The following RSL1D1 variants were observed in gnomAD, a reference collection of about 807,000 sequenced individuals.
RSL1D1 encodes the protein ribosomal L1 domain-containing protein 1.
RSL1D1 carries 34 observed loss-of-function variants against 44.6 expected under a neutral mutation model. That is an observed-to-expected ratio of 0.76 (90% CI 0.58 to 1.02). RSL1D1 has a LOEUF of 1.02. Ranked by LOEUF, RSL1D1 falls within the 50% of genes least tolerant of loss-of-function variation. RSL1D1 has a pLI of 0.00. For synonymous variants in RSL1D1, 271 were observed against 207.4 expected (o/e 1.31, Z -2.63); for missense variants, 767 against 568.1 (o/e 1.35, Z -3.56).
intron 5 of RSL1D1, among the ~76,000 whole-genome samples, chr16:11,843,337 C>A (rs1005122432): frequency 6.6e-6 from 1 of 151,842 alleles, no homozygotes; most frequent in Non-Finnish European, 1.5e-5. Flanking sequence ...TCCCAAAGTG[C>A]TGGGATTACA....
chr16:11,838,167 C>CTT, intron 8 of RSL1D1, 54 bp from the exon 9 acceptor site: 1 of 1,338,358 alleles, frequency 7.5e-7, no homozygotes, highest in South Asian at 1.4e-5. Flanking sequence ...ACCTGACACT[C>CTT]TAACTCCAGG....
At position 11,837,119 on chromosome 16, in the gene RSL1D1, G is replaced by C. The variant is rs1004169255; in HGVS notation, c.*668C>G. 1 of 152,098 alleles carries C rather than the reference G, an allele frequency of 6.6e-6. No homozygotes were observed. Among genetic ancestry groups the C allele is most frequent in the Non-Finnish European group, 1.5e-5 (1 of 68,070 alleles). 9.4% of individuals were successfully genotyped at this position (152,098 alleles called of 1,614,324 possible). A position where few individuals can be genotyped will look rare whatever the true frequency, so the allele number is the denominator to read the frequency against. On this transcript the variant is annotated 3_prime_UTR_variant, in exon 9 of 9. Transcript: ENST00000571133. ...CTCGTGAGGAGCTGGGAGCACAGAT[G>C]CATGCCACCATGCCACACTAATTTT...
chr16:11,842,951 T>G (rs1190727847), intron 5 of RSL1D1, among the ~76,000 whole-genome samples: 1 of 149,226 alleles, frequency 6.7e-6, no homozygotes, highest in African/African-American at 2.5e-5. Flanking sequence ...GAGATGCAGT[T>G]TCACTCGTTG....
chr16:11,837,645 T>A lies in RSL1D1; in HGVS notation c.*142A>T. 1.3e-6 allele frequency: 1 copy of A among 773,012 alleles called. No individual in the cohort carries two copies. The allele number at this position is 773,012 out of a possible 1,614,324, so 47.9% of individuals were successfully genotyped here. A position where few individuals can be genotyped will look rare whatever the true frequency, so the allele number is the denominator to read the frequency against. ...GATTACAGGCGTGAGCCACCGCCCC[T>A]GGACTACTTATGGAGGTTTTAAAAA... On this transcript the variant is annotated 3_prime_UTR_variant, in exon 9 of 9. Coordinates refer to ENST00000571133, the MANE Select transcript of RSL1D1 (RefSeq NM_015659.3).
In RSL1D1 at chr16:11,837,692, C is replaced by T. The variant is rs920381801; in HGVS notation, c.*95G>A. On this transcript the variant is annotated 3_prime_UTR_variant, in exon 9 of 9. Transcript: ENST00000571133. ...AAAAATCTTTTAAGTCCAGGCCTGA[C>T]GTTTAGAGAAGGTTACAAAGGCGGC... 45 of 1,144,462 alleles carry T rather than the reference C, an allele frequency of 3.9e-5. 1 individual carries two copies. The Middle Eastern group carries it at 9.7e-4, about 25-fold the overall frequency. 70.9% of individuals were successfully genotyped at this position (1,144,462 alleles called of 1,614,324 possible).
rs896465283 is a variant in RSL1D1 at position 11,836,620 on chromosome 16, G to C, written c.*1167C>G. 4 of 152,214 alleles carry C rather than the reference G, an allele frequency of 2.6e-5. No homozygotes were observed. Among genetic ancestry groups the C allele is most frequent in the Admixed American group, 1.3e-4 (2 of 15,282 alleles). 9.4% of individuals were successfully genotyped at this position (152,214 alleles called of 1,614,324 possible). ...TGAGGAATAAGGAGGAAGAGGATAA[G>C]GCTTATGGAAGATAAATCATGTTCT... On this transcript the variant is annotated 3_prime_UTR_variant, in exon 9 of 9. Transcript: ENST00000571133.
At chr16:11,845,323 T>C (rs2053790154) in intron 5 of RSL1D1, among the ~76,000 whole-genome samples, 1 of 152,150 alleles carries the variant, frequency 6.6e-6, no homozygotes, top group Non-Finnish European at 1.5e-5. Flanking sequence ...TATGGTGATG[T>C]GTGTCTGTAG....
intron 7 of RSL1D1, among the ~76,000 whole-genome samples, chr16:11,840,408 C>T (rs933990467): frequency 6.6e-6 from 1 of 151,998 alleles, no homozygotes; most frequent in African/African-American, 2.4e-5. Flanking sequence ...TCTATTAAAA[C>T]CACAAAAATT....
rs765514920 is a variant in RSL1D1, at chr16:11,835,644, C to G, written c.*2143G>C. The G allele has an allele frequency of 3.3e-5, 5 of 152,238 alleles. No individual in the cohort carries two copies. The highest frequency in any genetic ancestry group is 7.3e-5 in the Non-Finnish European group (5 of 68,116). The allele number at this position is 152,238 out of a possible 1,614,324, so 9.4% of individuals were successfully genotyped here. The stretch of plus-strand genomic sequence containing the variant: ...AAGAAGCTGGGACCACAGGCATGTT[C>G]CACCACACCCAGCTTATTTTTGGTA... On this transcript the variant is annotated 3_prime_UTR_variant, in exon 9 of 9. Coordinates refer to ENST00000571133, the MANE Select transcript of RSL1D1 (RefSeq NM_015659.3).
At position 11,836,391 on chromosome 16, in the gene RSL1D1, CTT is replaced by C. The variant is rs1555500829; in HGVS notation, c.*1394_*1395del. On this transcript the variant is annotated 3_prime_UTR_variant, in exon 9 of 9. Coordinates refer to ENST00000571133, the MANE Select transcript of RSL1D1 (RefSeq NM_015659.3). ...ACATTATCTTTGAAAGCAGTTGAGT[CTT>C]TGGCATGCAAGAACATTCCTGCACT... 2.0e-5 allele frequency: 3 copies of C among 152,206 alleles called. No homozygotes were observed. The highest frequency in any genetic ancestry group is 4.4e-5 in the Non-Finnish European group (3 of 68,050). The allele number at this position is 152,206 out of a possible 1,614,324, so 9.4% of individuals were successfully genotyped here.
rs35833714 is a variant in RSL1D1, at chr16:11,843,871, CAAAA to C, written c.636-1875_636-1872del. On this transcript the variant is annotated intron_variant, in intron 5 of 8. Coordinates refer to ENST00000571133, the MANE Select transcript of RSL1D1 (RefSeq NM_015659.3). The stretch of plus-strand genomic sequence containing the variant: ...GGGCGACAGAGCAAGAACTCTGTCT[CAAAA>C]AAAAAAAAAAAAAAAAAAAAGAGTA... Among the ~76,000 whole-genome samples, 6 of 53,560 alleles carry C rather than the reference CAAAA, an allele frequency of 1.1e-4. No individual in the cohort carries two copies. The Admixed American group carries it at 1.2e-3, about 11-fold the overall frequency. The allele number at this position is 53,560 out of a possible 152,430, so 35.1% of individuals were successfully genotyped here. A position where few individuals can be genotyped will look rare whatever the true frequency, so the allele number is the denominator to read the frequency against.
intron 8 of RSL1D1, among the ~76,000 whole-genome samples, chr16:11,838,323 G>A (rs764791289): frequency 1.1e-4 from 17 of 151,638 alleles, no homozygotes; most frequent in Non-Finnish European, 2.1e-4. Context: ...CACCACGCCC[G>A]GCTCATTTTT....
chr16:11,839,484 C>T (rs964225310), intron 8 of RSL1D1, among the ~76,000 whole-genome samples: 10 of 149,516 alleles, frequency 6.7e-5, no homozygotes, highest in South Asian at 2.1e-4. Flanking sequence ...TTTTGACCCC[C>T]GGAGTGTAAG....
chr16:11,839,853 C>G lies in RSL1D1; in HGVS notation c.988G>C (p.Val330Leu). 1 of 1,614,168 alleles carries G rather than the reference C, an allele frequency of 6.2e-7. No homozygotes were observed. Among genetic ancestry groups the G allele is most frequent in the East Asian group, 2.2e-5 (1 of 44,886 alleles). ...DVAPESGDTT[V>L]KKPESKKEQT... ...TCCTTCTTTGATTCAGGTTTCTTCACTGTAGTATCACCACTTTCAGGTGCC... is the reference window on the plus strand; with the variant it reads ...TCCTTCTTTGATTCAGGTTTCTTCAGTGTAGTATCACCACTTTCAGGTGCC... The change falls in exon 8 of 9, where the codon GTG becomes CTG. Residue 330 changes from valine to leucine, a missense_variant. Val to Leu is a conservative substitution (Grantham distance 32). Coordinates refer to ENST00000571133, the MANE Select transcript of RSL1D1 (RefSeq NM_015659.3).
At chr16:11,845,412 CACT>C (rs1162972107) in intron 5 of RSL1D1, among the ~76,000 whole-genome samples, 1 of 152,150 alleles carries the variant, frequency 6.6e-6, no homozygotes, top group Non-Finnish European at 1.5e-5. Context: ...GTGACTGCAC[CACT>C]GAGTGCAGTG....
At chr16:11,847,477 AG>A (rs1357669895) in intron 3 of RSL1D1, 190 bp downstream of exon 3, 1 of 537,304 alleles carries the variant, frequency 1.9e-6, no homozygotes, top group Non-Finnish European at 3.3e-6. Context: ...GGAAGTACAG[AG>A]GAATGACACG....
Position 11,836,826 on chromosome 16 carries a change from C to T in RSL1D1, c.*961G>A, listed in dbSNP as rs1313002153. On this transcript the variant is annotated 3_prime_UTR_variant, in exon 9 of 9. Transcript: ENST00000571133. ...CGACTCTCATACAGCGAGACCCTCA[C>T]TGGGCCACTCTGGGAATGACTACAA... is the stretch of plus-strand genomic sequence containing the variant. 1.3e-5 allele frequency: 2 copies of T among 152,206 alleles called. No homozygotes were observed. The highest frequency in any genetic ancestry group is 6.5e-5 in the Admixed American group (1 of 15,276). The allele number at this position is 152,206 out of a possible 1,614,324, so 9.4% of individuals were successfully genotyped here. A position where few individuals can be genotyped will look rare whatever the true frequency, so the allele number is the denominator to read the frequency against.
At chr16:11,846,165 G>A (rs1206641737) in intron 5 of RSL1D1, among the ~76,000 whole-genome samples, 3 of 151,596 alleles carry the variant, frequency 2.0e-5, no homozygotes, top group Non-Finnish European at 4.4e-5. Context: ...GGCCAAGGCG[G>A]GCGGATCATG....
Position 11,843,164 on chromosome 16 carries a change from A to G in RSL1D1, c.636-1164T>C, listed in dbSNP as rs1167873739. 2.0e-5 allele frequency among the ~76,000 whole-genome samples: 3 copies of G among 147,518 alleles called. No homozygotes were observed. In the East Asian group the frequency reaches 6.0e-4, roughly 29 times the overall value. ...TGGTCAGGCTGGTCTCAAACTCCCG[A>G]CCTCAGGTGATCCGCCTGCCTCGGC... On this transcript the variant is annotated intron_variant, in intron 5 of 8. Coordinates refer to ENST00000571133, the MANE Select transcript of RSL1D1 (RefSeq NM_015659.3).
Sources: gnomAD v4.1 joint callset for allele counts (sites outside exome capture counted in the v4.1 genomes callset) on GRCh38, gnomAD v4.1.1 for gene constraint, MANE v1.5 for transcripts, NCBI Gene and HGNC (gene_info 2026-07-23, HGNC 2026-07-21) for gene names.